ACTR3: variants seen among roughly 807,000 people sequenced by gnomAD.
The protein encoded by ACTR3 is actin related protein 3.
In ACTR3, 12 loss-of-function variants were observed where a neutral mutation model predicts 56.8. The observed-to-expected ratio is 0.21, with a 90% CI of 0.14 to 0.34. The LOEUF is 0.34. Ranked by LOEUF, ACTR3 falls within the 10% of genes least tolerant of loss-of-function variation. ACTR3 has a pLI of 1.00. For synonymous variants in ACTR3, 162 were observed against 167.4 expected (o/e 0.97, Z 0.25); for missense variants, 282 against 512.5 (o/e 0.55, Z 4.34).
intron 3 of ACTR3, among the ~76,000 whole-genome samples, chr2:113,921,375 T>C (rs1679506771): frequency 6.6e-6 from 1 of 151,834 alleles, no homozygotes; most frequent in Admixed American, 6.6e-5. Flanking sequence ...TGGATGTTAA[T>C]CCTCTGTCAG....
At chr2:113,906,652 A>C (rs1281002472) in intron 1 of ACTR3, among the ~76,000 whole-genome samples, 1 of 152,134 alleles carries the variant, frequency 6.6e-6, no homozygotes, top group Non-Finnish European at 1.5e-5. Flanking sequence ...TGTATGGTGT[A>C]AGGTAAAGGT....
chr2:113,901,366 A>G (rs1209320136), intron 1 of ACTR3, among the ~76,000 whole-genome samples: 1 of 152,252 alleles, frequency 6.6e-6, no homozygotes, highest in Non-Finnish European at 1.5e-5. Flanking sequence ...TTCAGCAACA[A>G]CAAAGTTTCT....
intron 3 of ACTR3, among the ~76,000 whole-genome samples, chr2:113,924,983 G>C (rs1023370483): frequency 6.6e-6 from 1 of 151,878 alleles, no homozygotes; most frequent in African/African-American, 2.4e-5. Flanking sequence ...TGCAACCTCT[G>C]ACTCCTGGGT....
rs1210950392 is a variant in ACTR3 at position 113,890,250 on chromosome 2, C to A, written c.-30C>A. 1.3e-6 allele frequency: 2 copies of A among 1,531,018 alleles called. No individual in the cohort carries two copies. The highest frequency in any genetic ancestry group is 2.8e-5 in the African/African-American group (2 of 72,014). 94.8% of individuals were successfully genotyped at this position (1,531,018 alleles called of 1,614,324 possible). A position where few individuals can be genotyped will look rare whatever the true frequency, so the allele number is the denominator to read the frequency against. ...GCCCCTAGCAGCACGGAGCAGACGG[C>A]GGCAGCAGCAGCAGCAGGCGAGGAG... On this transcript the variant is annotated 5_prime_UTR_variant, in exon 1 of 12. Coordinates refer to ENST00000263238, the MANE Select transcript of ACTR3 (RefSeq NM_005721.5).
chr2:113,935,494 C>T lies in ACTR3; in HGVS notation c.540+1108C>T, dbSNP rs1382587870. On this transcript the variant is annotated intron_variant, in intron 6 of 11. Coordinates refer to ENST00000263238, the MANE Select transcript of ACTR3 (RefSeq NM_005721.5). ...TTGTAACTGGGTGCTTTCACTTAGC[C>T]GAACATTTTCAAGATTCATCCATGT... is the stretch of plus-strand genomic sequence containing the variant. 3.3e-5 allele frequency among the ~76,000 whole-genome samples: 5 copies of T among 152,108 alleles called. No homozygotes were observed. The South Asian group carries it at 6.2e-4, about 19-fold the overall frequency.
intron 5 of ACTR3, chr2:113,933,794 C>T (rs1679768826): frequency 6.4e-6 from 1 of 155,194 alleles, no homozygotes; most frequent in Admixed American, 6.6e-5. Flanking sequence ...ATTCTCCTGC[C>T]TCAGCCTCCT....
rs1680296776 is a variant in ACTR3 at position 113,959,971 on chromosome 2, A to T, written c.*2516A>T. On this transcript the variant is annotated 3_prime_UTR_variant, in exon 12 of 12. Transcript: ENST00000263238. Reference sequence around the variant, plus strand: ...CTTGATTCAATTTATATATAAGGTAAAGGCATTATACTGGATTATCCTGCA... The same window carrying T: ...CTTGATTCAATTTATATATAAGGTATAGGCATTATACTGGATTATCCTGCA... 6.6e-6 allele frequency: 1 copy of T among 152,032 alleles called. No individual in the cohort carries two copies. Among genetic ancestry groups the T allele is most frequent in the Admixed American group, 6.6e-5 (1 of 15,254 alleles). 9.4% of individuals were successfully genotyped at this position (152,032 alleles called of 1,614,324 possible).
intron 6 of ACTR3, among the ~76,000 whole-genome samples, chr2:113,936,144 T>G (rs1679821022): frequency 1.3e-5 from 2 of 151,784 alleles, no homozygotes; most frequent in African/African-American, 4.8e-5. Flanking sequence ...ATGCAAAAAT[T>G]AATTGAACGT....
chr2:113,916,591 G>A (rs56235472), intron 2 of ACTR3, among the ~76,000 whole-genome samples: 1 of 152,020 alleles, frequency 6.6e-6, no homozygotes, highest in African/African-American at 2.4e-5. Context: ...GTTTTACTGA[G>A]AATCAAAGGA....
chr2:113,910,829 G>A (rs1679293505), intron 1 of ACTR3, among the ~76,000 whole-genome samples: 1 of 152,132 alleles, frequency 6.6e-6, no homozygotes, highest in Non-Finnish European at 1.5e-5. Context: ...ATACTGTTTT[G>A]TCCTGTTTTA....
intron 1 of ACTR3, among the ~76,000 whole-genome samples, chr2:113,902,173 G>A (rs1386765705): frequency 6.6e-6 from 1 of 152,090 alleles, no homozygotes; most frequent in East Asian, 1.9e-4. Flanking sequence ...TTACTGTTGT[G>A]ACAGACTCGC....
Position 113,892,274 on chromosome 2 carries a change from G to A in ACTR3, c.44+1951G>A, listed in dbSNP as rs960045674. Reference sequence around the variant, plus strand: ...AATGACCAGTAGGATCGGGAAGAGGGGTTCAATTTAACCTAGGCTATTTCT... The same window carrying A: ...AATGACCAGTAGGATCGGGAAGAGGAGTTCAATTTAACCTAGGCTATTTCT... On this transcript the variant is annotated intron_variant, in intron 1 of 11. Coordinates refer to ENST00000263238, the MANE Select transcript of ACTR3 (RefSeq NM_005721.5). Among the ~76,000 whole-genome samples the A allele has an allele frequency of 3.3e-5, 5 of 152,126 alleles. No individual in the cohort carries two copies. The East Asian group carries it at 5.8e-4, about 18-fold the overall frequency.
At position 113,890,265 on chromosome 2, in the gene ACTR3, C is replaced by T; in HGVS notation, c.-15C>T. On this transcript the variant is annotated 5_prime_UTR_variant, in exon 1 of 12. Coordinates refer to ENST00000263238, the MANE Select transcript of ACTR3 (RefSeq NM_005721.5). ...GAGCAGACGGCGGCAGCAGCAGCAG[C>T]AGGCGAGGAGGAAGATGGCGGGACG... 2 of 1,549,294 alleles carry T rather than the reference C, an allele frequency of 1.3e-6. No individual in the cohort carries two copies. The highest frequency in any genetic ancestry group is 1.7e-6 in the Non-Finnish European group (2 of 1,146,706).
chr2:113,895,706 G>A (rs2047883), intron 1 of ACTR3, among the ~76,000 whole-genome samples: 8,861 of 152,110 alleles, frequency 0.058, 766 homozygotes, highest in African/African-American at 0.19. Flanking sequence ...GTTATATTTC[G>A]TGTTATTTTA....
At chr2:113,915,572 C>A (rs1679389838) in intron 2 of ACTR3, among the ~76,000 whole-genome samples, 2 of 152,108 alleles carry the variant, frequency 1.3e-5, no homozygotes, top group Admixed American at 1.3e-4. Context: ...TGTGTATAAT[C>A]TTTTGTTGTG....
intron 1 of ACTR3, among the ~76,000 whole-genome samples, chr2:113,905,966 T>A (rs759069675): frequency 5.3e-5 from 8 of 152,226 alleles, no homozygotes; most frequent in Non-Finnish European, 8.8e-5. Context: ...CATGCATGTA[T>A]AAGTACCTGT....
intron 11 of ACTR3, among the ~76,000 whole-genome samples, chr2:113,957,108 C>T (rs1680230691): frequency 6.6e-6 from 1 of 152,170 alleles, no homozygotes; most frequent in African/African-American, 2.4e-5. Context: ...ATTTCAGAAT[C>T]CTCGCAGCAG....
At chr2:113,912,806 A>G (rs886699586) in intron 1 of ACTR3, among the ~76,000 whole-genome samples, 1 of 152,194 alleles carries the variant, frequency 6.6e-6, no homozygotes, top group Non-Finnish European at 1.5e-5. Flanking sequence ...TATTTTTTGT[A>G]GCTGCATAAT....
At chr2:113,919,048 A>G (rs992661426) in intron 3 of ACTR3, among the ~76,000 whole-genome samples, 58 of 152,368 alleles carry the variant, frequency 3.8e-4, no homozygotes, top group African/African-American at 1.4e-3. Flanking sequence ...TTTGGTGGTT[A>G]TAATCTATGG....
Sources: allele counts gnomAD v4.1 joint callset (sites outside exome capture counted in the v4.1 genomes callset), GRCh38; gene constraint gnomAD v4.1.1; transcripts MANE v1.5; gene names NCBI Gene and HGNC (gene_info 2026-07-23, HGNC 2026-07-21).